Variants in LRP1B observed in about 807,000 individuals in gnomAD.
LRP1B encodes the protein LDL receptor related protein 1B, also known as low-density lipoprotein receptor-related protein 1B.
A neutral mutation model predicts 556.6 loss-of-function variants in LRP1B; 217 were observed. That is an observed-to-expected ratio of 0.39 (90% CI 0.35 to 0.44). LRP1B has a LOEUF of 0.44. Among genes scored for constraint, LRP1B ranks in the 20% least tolerant of loss-of-function variants. The pLI is 1.00. For synonymous variants in LRP1B, 2,047 were observed against 1,865.8 expected (o/e 1.10, Z -2.50); for missense variants, 5,053 against 5,620.8 (o/e 0.90, Z 3.23).
At chr2:140,913,511 G>A (rs1221627647) in intron 21 of LRP1B, among the ~76,000 whole-genome samples, 1 of 151,910 alleles carries the variant, frequency 6.6e-6, no homozygotes, top group African/African-American at 2.4e-5. Context: ...AATATAGACA[G>A]CTGCCTTATG....
At chr2:140,981,150 T>C (rs1339022556) in intron 18 of LRP1B, among the ~76,000 whole-genome samples, 1 of 152,026 alleles carries the variant, frequency 6.6e-6, no homozygotes, top group East Asian at 1.9e-4. Flanking sequence ...TACAGTGTAC[T>C]CTGCTCGGGT....
At position 140,454,656 on chromosome 2, in the gene LRP1B, T is replaced by C. The variant is rs186747244; in HGVS notation, c.9963+1799A>G. 3.2e-3 allele frequency among the ~76,000 whole-genome samples: 481 copies of C among 152,278 alleles called. 3 individuals carry two copies. Among genetic ancestry groups the C allele is most frequent in the Non-Finnish European group, 5.4e-3 (364 of 68,028 alleles). ...TAGTGTTGTCATCATGGAAACCAAA[T>C]TGGGAAATAATTTTATTAGATAAAT... On this transcript the variant is annotated intron_variant, in intron 62 of 90. Transcript: ENST00000389484.
intron 2 of LRP1B, among the ~76,000 whole-genome samples, chr2:141,572,457 T>C (rs766765369): frequency 4.6e-5 from 7 of 152,096 alleles, no homozygotes; most frequent in Non-Finnish European, 1.0e-4. Context: ...GAAAATCTAC[T>C]ACCAGCCACC....
At chr2:141,610,649 C>T (rs1050883482) in intron 2 of LRP1B, among the ~76,000 whole-genome samples, 2 of 152,264 alleles carry the variant, frequency 1.3e-5, no homozygotes, top group Non-Finnish European at 2.9e-5. Flanking sequence ...ATTGTAAATG[C>T]CTAGTCATTT....
intron 1 of LRP1B, among the ~76,000 whole-genome samples, chr2:142,051,881 C>A (rs1704474833): frequency 1.3e-5 from 2 of 152,122 alleles, no homozygotes; most frequent in Admixed American, 1.3e-4. Flanking sequence ...GAGTATATCA[C>A]AAACATACTG....
rs573682445 is a variant in LRP1B, at chr2:140,381,601, G to A, written c.10532-3315C>T. Among the ~76,000 whole-genome samples, 4 of 152,176 alleles carry A rather than the reference G, an allele frequency of 2.6e-5. No homozygotes were observed. The South Asian group carries it at 8.3e-4, about 32-fold the overall frequency. Reference sequence around the variant, plus strand: ...TAAAGGGCTGAGTGTGGTGGCTCATGCCTGTAATCCCAACATTTTGGGAGG... The same window carrying A: ...TAAAGGGCTGAGTGTGGTGGCTCATACCTGTAATCCCAACATTTTGGGAGG... On this transcript the variant is annotated intron_variant, in intron 67 of 90. Coordinates refer to ENST00000389484, the MANE Select transcript of LRP1B (RefSeq NM_018557.3).
At chr2:140,629,147 G>A (rs530308255) in intron 41 of LRP1B, among the ~76,000 whole-genome samples, 114 of 152,068 alleles carry the variant, frequency 7.5e-4, no homozygotes, top group Non-Finnish European at 1.3e-3. Context: ...TCTGCCTCCT[G>A]GGTTCAGGTG....
At chr2:140,313,960 C>G (rs1192976300) in intron 83 of LRP1B, among the ~76,000 whole-genome samples, 3 of 151,826 alleles carry the variant, frequency 2.0e-5, no homozygotes, top group Admixed American at 6.6e-5. Context: ...AATTATCTAA[C>G]TTTTCCTATT....
At position 141,682,344 on chromosome 2, in the gene LRP1B, GC is replaced by G. The variant is rs1452911513; in HGVS notation, c.205+127934del. On this transcript the variant is annotated intron_variant, in intron 2 of 90. Transcript: ENST00000389484. Reference sequence around the variant, plus strand: ...ATGTCAGGAAAATTATAAGTAGATGGCAAAAAAAAAAAAGGATTTTTAGGAG... The same window carrying G: ...ATGTCAGGAAAATTATAAGTAGATGGAAAAAAAAAAAAGGATTTTTAGGAG... 4.4e-5 allele frequency among the ~76,000 whole-genome samples: 6 copies of G among 137,746 alleles called. No homozygotes were observed. In the East Asian group the frequency reaches 1.0e-3, roughly 24 times the overall value. The allele number at this position is 137,746 out of a possible 152,430, so 90.4% of individuals were successfully genotyped here.
chr2:142,016,872 GTA>G (rs1158134243), intron 1 of LRP1B, among the ~76,000 whole-genome samples: 4 of 147,972 alleles, frequency 2.7e-5, no homozygotes, highest in African/African-American at 7.4e-5. Context: ...ACACATATAT[GTA>G]TATATGTGTT....
At chr2:142,023,533 G>A (rs112319735) in intron 1 of LRP1B, among the ~76,000 whole-genome samples, 23 of 152,212 alleles carry the variant, frequency 1.5e-4, no homozygotes, top group South Asian at 4.2e-4. Context: ...TCCATTCTTC[G>A]AGGTCAATAC....
At chr2:140,264,320 C>A (rs967916146) in intron 86 of LRP1B, among the ~76,000 whole-genome samples, 1 of 152,094 alleles carries the variant, frequency 6.6e-6, no homozygotes, top group Non-Finnish European at 1.5e-5. Flanking sequence ...CCTCTGCCTC[C>A]CGGGTTCAAG....
At chr2:140,688,538 A>G in intron 41 of LRP1B, among the ~76,000 whole-genome samples, 1 of 152,182 alleles carries the variant, frequency 6.6e-6, no homozygotes. Flanking sequence ...TGGAAATAGG[A>G]TAATAACCTA....
intron 1 of LRP1B, among the ~76,000 whole-genome samples, chr2:141,917,156 TTAAAA>T (rs1700059565): frequency 6.6e-6 from 1 of 152,110 alleles, no homozygotes; most frequent in Non-Finnish European, 1.5e-5. Context: ...AAGAGATAAA[TTAAAA>T]TAAGACATAT....
chr2:141,688,691 A>C (rs567690473), intron 2 of LRP1B, among the ~76,000 whole-genome samples: 1 of 152,016 alleles, frequency 6.6e-6, no homozygotes, highest in Non-Finnish European at 1.5e-5. Context: ...TCCAGAAACA[A>C]GTCTTGTCCA....
At chr2:140,816,050 C>T (rs1046976365) in intron 31 of LRP1B, among the ~76,000 whole-genome samples, 4 of 152,016 alleles carry the variant, frequency 2.6e-5, no homozygotes, top group African/African-American at 4.8e-5. Context: ...TAGTTAATTC[C>T]ATCTTGAAAC....
chr2:140,657,858 C>T (rs945487999), intron 41 of LRP1B, among the ~76,000 whole-genome samples: 8 of 151,700 alleles, frequency 5.3e-5, no homozygotes, highest in East Asian at 1.9e-4. Flanking sequence ...GAATTTGTTT[C>T]GAAGTAACCC....
intron 1 of LRP1B, among the ~76,000 whole-genome samples, chr2:141,851,468 T>A (rs1033622388): frequency 2.0e-5 from 3 of 151,842 alleles, no homozygotes; most frequent in African/African-American, 7.2e-5. Context: ...TATTCTATAG[T>A]TATTCATGTA....
intron 1 of LRP1B, among the ~76,000 whole-genome samples, chr2:141,833,604 G>A (rs1189240090): frequency 1.3e-5 from 2 of 151,766 alleles, no homozygotes; most frequent in Non-Finnish European, 2.9e-5. Flanking sequence ...GTAACCTCAA[G>A]ACAATAACAA....
Sources: allele counts gnomAD v4.1 joint callset (sites outside exome capture counted in the v4.1 genomes callset), GRCh38; gene constraint gnomAD v4.1.1; transcripts MANE v1.5; gene names NCBI Gene and HGNC (gene_info 2026-07-23, HGNC 2026-07-21).